Variants in ASTN1 observed in about 807,000 individuals in gnomAD.
The protein encoded by ASTN1 is astrotactin-1.
In ASTN1, 41 loss-of-function variants were observed where a neutral mutation model predicts 140.7. The ratio of observed to expected loss-of-function variants is 0.29; its 90% CI spans 0.23 to 0.38. The LOEUF (loss-of-function observed/expected upper bound fraction) is 0.38. Ranked by LOEUF, ASTN1 falls within the 10% of genes least tolerant of loss-of-function variation. The pLI is 1.00. For synonymous variants in ASTN1, 640 were observed against 652.2 expected, an observed-to-expected ratio of 0.98 and a Z score of 0.29; for missense variants, 1,479 against 1,678.8, an observed-to-expected ratio of 0.88 and a Z score of 2.08.
chr1:177,141,393 A>G (rs2102224429), intron 1 of ASTN1, among the ~76,000 whole-genome samples: 1 of 152,252 alleles, frequency 6.6e-6, no homozygotes, highest in African/African-American at 2.4e-5. Flanking sequence ...AGTCTCCAGT[A>G]AGGTAGCATG....
intron 1 of ASTN1, among the ~76,000 whole-genome samples, chr1:177,144,399 C>T (rs565232594): frequency 6.6e-6 from 1 of 151,654 alleles, no homozygotes; most frequent in East Asian, 2.0e-4. Context: ...ACTACAGGCA[C>T]CAGCCACCGC....
intron 1 of ASTN1, among the ~76,000 whole-genome samples, chr1:177,125,203 C>T (rs576261364): frequency 7.2e-5 from 11 of 152,220 alleles, no homozygotes; most frequent in Middle Eastern, 3.4e-3. Context: ...AGAGATTTTA[C>T]GAAGAAATGG....
At chr1:177,113,251 G>C (rs1388341395) in intron 1 of ASTN1, among the ~76,000 whole-genome samples, 1 of 152,112 alleles carries the variant, frequency 6.6e-6, no homozygotes, top group Non-Finnish European at 1.5e-5. Flanking sequence ...GACACCTAAG[G>C]TTGTTTCCAG....
intron 1 of ASTN1, among the ~76,000 whole-genome samples, chr1:177,075,755 T>C (rs1678870698): frequency 6.6e-6 from 1 of 151,288 alleles, no homozygotes; most frequent in Admixed American, 6.6e-5. Context: ...CAAGCAATCC[T>C]TCCATCTCAG....
intron 16 of ASTN1, among the ~76,000 whole-genome samples, chr1:176,896,891 C>A (rs558644411): frequency 2.0e-5 from 3 of 152,248 alleles, no homozygotes; most frequent in Non-Finnish European, 2.9e-5. Flanking sequence ...GCCCAGTGGT[C>A]TCTCTGAAGC....
rs1229513758 is a variant in ASTN1, at chr1:177,002,356, T to C, written c.1523+12435A>G. On this transcript the variant is annotated intron_variant, in intron 8 of 22. Transcript: ENST00000361833. ...CAATGTACTACCGACCCTTAAATAA[T>C]AAAATGTGCCTTACACACAAACACA... Among the ~76,000 whole-genome samples the C allele has an allele frequency of 6.9e-5, 10 of 145,848 alleles. No homozygotes were observed. In the South Asian group the frequency reaches 8.9e-4, roughly 13 times the overall value.
chr1:176,964,068 G>A (rs1035799271), intron 9 of ASTN1, among the ~76,000 whole-genome samples: 21 of 152,142 alleles, frequency 1.4e-4, no homozygotes, highest in Non-Finnish European at 1.5e-4. Context: ...AGTCCACCCC[G>A]AGCTACAGGA....
At chr1:176,958,593 T>C in intron 9 of ASTN1, 111 bp from the exon 10 acceptor site, 2 of 1,361,728 alleles carry the variant, frequency 1.5e-6, no homozygotes, top group Middle Eastern at 2.7e-4. Context: ...GTAGTCCTTT[T>C]CAGAAAGACT....
chr1:177,015,116 T>A (rs1341542627), intron 7 of ASTN1, among the ~76,000 whole-genome samples: 1 of 152,186 alleles, frequency 6.6e-6, no homozygotes, highest in Non-Finnish European at 1.5e-5. Context: ...AATCTAGTAT[T>A]TAGAAAGCAT....
intron 1 of ASTN1, among the ~76,000 whole-genome samples, chr1:177,139,786 A>G (rs577060052): frequency 6.6e-6 from 1 of 152,282 alleles, no homozygotes; most frequent in East Asian, 1.9e-4. Flanking sequence ...CAGGGGCCCC[A>G]CAGAGAAAAC....
At chr1:177,072,541 T>C (rs1678692970) in intron 1 of ASTN1, among the ~76,000 whole-genome samples, 1 of 152,166 alleles carries the variant, frequency 6.6e-6, no homozygotes, top group South Asian at 2.1e-4. Flanking sequence ...GGGAGAATGA[T>C]TTAAAAGAAA....
At chr1:177,047,510 A>G (rs997272786) in intron 2 of ASTN1, among the ~76,000 whole-genome samples, 7 of 152,198 alleles carry the variant, frequency 4.6e-5, no homozygotes, top group Non-Finnish European at 8.8e-5. Context: ...GTTTTCCACT[A>G]GGGAGAGGAC....
Position 176,958,356 on chromosome 1 carries a change from A to C in ASTN1, c.1725T>G (p.Ala575=), listed in dbSNP as rs373156324. Residue 575 remains alanine (A), a synonymous_variant, in exon 10 of 23, where the codon GCT becomes GCG. Coordinates refer to ENST00000361833, the MANE Select transcript of ASTN1 (RefSeq NM_004319.3). ...GAAGCCAGACTCACCTGACCTCCAC[A>C]GCATCCTCCATCACAGTCATGTCCG... is the stretch of plus-strand genomic sequence containing the variant. ...CKTDMTVMED[A]VEVREELMTS... 6.2e-7 allele frequency: 1 copy of C among 1,613,896 alleles called. No homozygotes were observed. The highest frequency in any genetic ancestry group is 1.3e-5 in the African/African-American group (1 of 74,930).
At chr1:177,073,418 T>C (rs1211865433) in intron 1 of ASTN1, among the ~76,000 whole-genome samples, 1 of 151,984 alleles carries the variant, frequency 6.6e-6, no homozygotes, top group South Asian at 2.1e-4. Flanking sequence ...AAACTCATCT[T>C]CCTTGGGTTT....
intron 16 of ASTN1, among the ~76,000 whole-genome samples, chr1:176,930,124 A>T (rs1671144599): frequency 6.6e-6 from 1 of 152,196 alleles, no homozygotes; most frequent in Non-Finnish European, 1.5e-5. Flanking sequence ...AACCTTGAAG[A>T]AATGGAGAAG....
intron 8 of ASTN1, among the ~76,000 whole-genome samples, chr1:176,997,576 T>A (rs1356864652): frequency 6.6e-6 from 1 of 151,988 alleles, no homozygotes; most frequent in East Asian, 1.9e-4. Flanking sequence ...GGTGATGTGA[T>A]GTGTCCCTGT....
At position 176,863,046 on chromosome 1, in the gene ASTN1, G is replaced by C; in HGVS notation, c.*1238C>G. On this transcript the variant is annotated 3_prime_UTR_variant, in exon 23 of 23. Transcript: ENST00000361833. ...TTCTGAAAGGCTGGGCTTCCTGTTG[G>C]CTGGGCCACCATTCATGACCATGCC... 9 of 985,612 alleles carry C rather than the reference G, an allele frequency of 9.1e-6. No homozygotes were observed. The highest frequency in any genetic ancestry group is 9.6e-6 in the Non-Finnish European group (8 of 829,954). 61.1% of individuals were successfully genotyped at this position (985,612 alleles called of 1,614,324 possible). A position where few individuals can be genotyped will look rare whatever the true frequency, so the allele number is the denominator to read the frequency against.
At chr1:177,073,940 T>A (rs1484315682) in intron 1 of ASTN1, among the ~76,000 whole-genome samples, 1 of 151,912 alleles carries the variant, frequency 6.6e-6, no homozygotes, top group Non-Finnish European at 1.5e-5. Flanking sequence ...GTGACAAGAA[T>A]AACCTTTTTT....
At chr1:176,878,522 G>A (rs539732058) in intron 20 of ASTN1, among the ~76,000 whole-genome samples, 8 of 151,794 alleles carry the variant, frequency 5.3e-5, no homozygotes, top group Admixed American at 2.0e-4. Context: ...TGCATCATTT[G>A]GCCCCACATG....
Sources: allele counts gnomAD v4.1 joint callset (sites outside exome capture counted in the v4.1 genomes callset), GRCh38; gene constraint gnomAD v4.1.1; transcripts MANE v1.5; gene names NCBI Gene and HGNC (gene_info 2026-07-23, HGNC 2026-07-21).